Variants in PSD3 observed in about 807,000 individuals in gnomAD.
PSD3 encodes pleckstrin and Sec7 domain containing 3.
In PSD3, 49 loss-of-function variants were observed where a neutral mutation model predicts 105.5. The ratio of observed to expected loss-of-function variants is 0.46; its 90% CI spans 0.37 to 0.59. The LOEUF is 0.59. Ranked by LOEUF, PSD3 falls within the 20% of genes least tolerant of loss-of-function variation. The pLI is 0.00. For missense variants in PSD3, 1,561 were observed against 1,263.8 expected (o/e 1.24, Z -3.57); for synonymous variants, 557 against 457.8 (o/e 1.22, Z -2.77).
At chr8:18,845,572 T>C (rs2129451694) in intron 4 of PSD3, among the ~76,000 whole-genome samples, 1 of 152,288 alleles carries the variant, frequency 6.6e-6, no homozygotes, top group South Asian at 2.1e-4. Context: ...GCTGGACCTC[T>C]TTCACTCCCT....
intron 2 of PSD3, among the ~76,000 whole-genome samples, chr8:18,898,406 A>G (rs933454579): frequency 6.6e-6 from 1 of 152,126 alleles, no homozygotes; most frequent in African/African-American, 2.4e-5. Flanking sequence ...TTTATCTGAT[A>G]TAGGAATGAC....
intron 4 of PSD3, among the ~76,000 whole-genome samples, chr8:18,840,885 TG>T (rs1241534449): frequency 6.6e-6 from 1 of 152,188 alleles, no homozygotes; most frequent in African/African-American, 2.4e-5. Flanking sequence ...GGTGTGACAT[TG>T]GGCAAGTTGT....
intron 14 of PSD3, among the ~76,000 whole-genome samples, chr8:18,565,312 CAGA>C (rs1563327416): frequency 6.6e-6 from 1 of 152,096 alleles, no homozygotes; most frequent in Admixed American, 6.6e-5. Flanking sequence ...AGAGCTACAC[CAGA>C]AGGAGAAGCA....
At chr8:18,820,321 C>T (rs1180029572) in intron 4 of PSD3, among the ~76,000 whole-genome samples, 2 of 151,836 alleles carry the variant, frequency 1.3e-5, no homozygotes, top group African/African-American at 4.8e-5. Context: ...ACTGACTTAT[C>T]TCCCAATCAA....
chr8:18,911,473 C>T (rs1488102167), intron 2 of PSD3, among the ~76,000 whole-genome samples: 2 of 152,054 alleles, frequency 1.3e-5, no homozygotes, highest in Non-Finnish European at 2.9e-5. Context: ...GCTGTGTAAC[C>T]TGAGCTTAGT....
intron 1 of PSD3, among the ~76,000 whole-genome samples, chr8:19,049,195 G>A (rs563820149): frequency 2.6e-5 from 4 of 152,196 alleles, no homozygotes; most frequent in Admixed American, 6.5e-5. Flanking sequence ...AATTTAATAC[G>A]CGAATTTTGA....
At position 19,035,960 on chromosome 8, in the gene PSD3, G is replaced by T. The variant is rs148664304; in HGVS notation, c.324+48246C>A. On this transcript the variant is annotated intron_variant, in intron 1 of 1. Transcript: ENST00000521475. ...AGTAGAGACAGGGTTTCACCATGTT[G>T]CCCAGGCTAGTCTTGAACTCCTGGA... Among the ~76,000 whole-genome samples, 391 of 152,168 alleles carry T rather than the reference G, an allele frequency of 2.6e-3. 2 individuals are homozygous for T. The highest frequency in any genetic ancestry group is 8.7e-3 in the African/African-American group (360 of 41,490).
intron 9 of PSD3, among the ~76,000 whole-genome samples, chr8:18,759,158 C>T (rs770415702): frequency 6.6e-5 from 10 of 151,220 alleles, no homozygotes; most frequent in African/African-American, 9.7e-5. Flanking sequence ...TAAGGGAAGA[C>T]GTGCTAATTT....
intron 1 of PSD3, among the ~76,000 whole-genome samples, chr8:19,055,394 C>T (rs1282651599): frequency 2.6e-5 from 4 of 152,072 alleles, no homozygotes; most frequent in South Asian, 4.1e-4. Context: ...GCTGGGGTTA[C>T]AGGCGCCCGC....
intron 1 of PSD3, among the ~76,000 whole-genome samples, chr8:19,010,362 A>G (rs1307246736): frequency 1.3e-5 from 2 of 151,952 alleles, no homozygotes; most frequent in Non-Finnish European, 2.9e-5. Flanking sequence ...GCAGTGAAAA[A>G]CCTTTCTTTT....
At chr8:18,549,173 C>G (rs1800617473) in intron 15 of PSD3, among the ~76,000 whole-genome samples, 1 of 105,402 alleles carries the variant, frequency 9.5e-6, no homozygotes, top group Non-Finnish European at 1.8e-5. Flanking sequence ...TCTGTCTATT[C>G]TCAGTTTTTT....
In PSD3 at chr8:19,005,925, G is replaced by A. The variant is rs201893064; in HGVS notation, c.21+7638C>T. On this transcript the variant is annotated intron_variant, in intron 1 of 15. Transcript: ENST00000327040. ...TATAGTATGTGAATATCTCAATAAAGTTGTTTAAAAAAAGGATCCCATTTA... is the reference window on the plus strand; with the variant it reads ...TATAGTATGTGAATATCTCAATAAAATTGTTTAAAAAAAGGATCCCATTTA... 3.3e-5 allele frequency among the ~76,000 whole-genome samples: 5 copies of A among 151,812 alleles called. No homozygotes were observed. In the East Asian group the frequency reaches 7.7e-4, roughly 24 times the overall value.
rs77070018 is a variant in PSD3 at position 18,548,998 on chromosome 8, T to C, written c.2928+7211A>G. ...AAACAGTTTAGCCTCTTAGGCAGCA[T>C]CCTACACGTCTCAGGGAGCCAGACA... On this transcript the variant is annotated intron_variant, in intron 15 of 15. Transcript: ENST00000327040. Among the ~76,000 whole-genome samples, 93 of 152,164 alleles carry C rather than the reference T, an allele frequency of 6.1e-4. No individual in the cohort carries two copies. In the East Asian group the frequency reaches 0.013, roughly 22 times the overall value.
intron 8 of PSD3, among the ~76,000 whole-genome samples, chr8:18,788,644 T>C (rs4341203): frequency 0.58 from 87,879 of 152,008 alleles, 25,993 homozygotes; most frequent in Middle Eastern, 0.66. Flanking sequence ...AACGTGCTTT[T>C]GGAGAAACTA....
intron 2 of PSD3, among the ~76,000 whole-genome samples, chr8:18,935,376 T>TG (rs1308641716): frequency 2.0e-5 from 3 of 151,980 alleles, no homozygotes; most frequent in Non-Finnish European, 4.4e-5. Context: ...ATTTTGTTAG[T>TG]GAAAAACAAG....
intron 1 of PSD3, among the ~76,000 whole-genome samples, chr8:19,057,640 C>T (rs1344545398): frequency 1.3e-5 from 2 of 152,182 alleles, no homozygotes; most frequent in Non-Finnish European, 2.9e-5. Flanking sequence ...TTTGCTTCAT[C>T]TAGCAACTAA....
chr8:18,651,530 T>A (rs1167466498), intron 10 of PSD3, among the ~76,000 whole-genome samples: 1 of 152,228 alleles, frequency 6.6e-6, no homozygotes, highest in Non-Finnish European at 1.5e-5. Flanking sequence ...TTATGGAGCC[T>A]TCATTACATA....
intron 11 of PSD3, among the ~76,000 whole-genome samples, chr8:18,625,732 A>C (rs1806428554): frequency 6.6e-6 from 1 of 152,172 alleles, no homozygotes; most frequent in Non-Finnish European, 1.5e-5. Flanking sequence ...GCTATTCTAT[A>C]CTACATCCTT....
At chr8:18,601,645 T>C (rs1031077970) in intron 11 of PSD3, among the ~76,000 whole-genome samples, 2 of 152,186 alleles carry the variant, frequency 1.3e-5, no homozygotes, top group Non-Finnish European at 2.9e-5. Flanking sequence ...TCATCCCTTC[T>C]GCCTCCACTA....
Sources: gnomAD v4.1 joint callset for allele counts (sites outside exome capture counted in the v4.1 genomes callset) on GRCh38, gnomAD v4.1.1 for gene constraint, MANE v1.5 for transcripts, NCBI Gene and HGNC (gene_info 2026-07-23, HGNC 2026-07-21) for gene names.